CNTN4: variants seen among roughly 807,000 people sequenced by gnomAD.
CNTN4 encodes contactin-4.
CNTN4 carries 77 observed loss-of-function variants against 122.5 expected under a neutral mutation model. That is an observed-to-expected ratio of 0.63 (90% CI 0.52 to 0.76). The LOEUF is 0.76. Ranked by LOEUF, CNTN4 falls within the 30% of genes least tolerant of loss-of-function variation. The pLI is 0.00. For missense variants in CNTN4, 1,256 were observed against 1,259.1 expected (o/e 1.00, Z 0.04); for synonymous variants, 512 against 447.0 (o/e 1.15, Z -1.83).
At chr3:2,739,704 T>G (rs908482573) in intron 5 of CNTN4, among the ~76,000 whole-genome samples, 1 of 152,182 alleles carries the variant, frequency 6.6e-6, no homozygotes, top group Non-Finnish European at 1.5e-5. Context: ...ACATATTTAT[T>G]TAATACAAGT....
intron 2 of CNTN4, among the ~76,000 whole-genome samples, chr3:2,197,190 C>G (rs987562227): frequency 6.6e-6 from 1 of 152,144 alleles, no homozygotes; most frequent in Non-Finnish European, 1.5e-5. Flanking sequence ...CCCTAGTTCT[C>G]TCTTCTCCAT....
At chr3:2,564,442 G>A (rs541926804) in intron 3 of CNTN4, among the ~76,000 whole-genome samples, 1 of 152,218 alleles carries the variant, frequency 6.6e-6, no homozygotes, top group South Asian at 2.1e-4. Context: ...CCGAAAAATT[G>A]TTACAAGCCT....
chr3:3,033,535 T>G (rs754015116), intron 16 of CNTN4, among the ~76,000 whole-genome samples: 29 of 152,210 alleles, frequency 1.9e-4, no homozygotes, highest in Non-Finnish European at 3.8e-4. Flanking sequence ...CCCTGTGACA[T>G]GGCCTGATAG....
intron 4 of CNTN4, among the ~76,000 whole-genome samples, chr3:2,701,167 G>A (rs970707601): frequency 2.6e-5 from 4 of 152,244 alleles, no homozygotes; most frequent in African/African-American, 9.6e-5. Flanking sequence ...AGCATATATA[G>A]AAATTTTTCA....
intron 15 of CNTN4, among the ~76,000 whole-genome samples, chr3:3,029,635 G>T (rs1306715766): frequency 1.3e-5 from 2 of 152,204 alleles, no homozygotes; most frequent in Non-Finnish European, 2.9e-5. Flanking sequence ...TGAGGATATG[G>T]TCTTTCCGGA....
intron 3 of CNTN4, among the ~76,000 whole-genome samples, chr3:2,542,608 G>A (rs1432347798): frequency 6.6e-6 from 1 of 152,170 alleles, no homozygotes; most frequent in African/African-American, 2.4e-5. Context: ...GTTTATATCT[G>A]CAGGAGATTA....
At chr3:2,516,286 G>A (rs569293103) in intron 3 of CNTN4, among the ~76,000 whole-genome samples, 53 of 152,048 alleles carry the variant, frequency 3.5e-4, no homozygotes, top group African/African-American at 1.2e-3. Flanking sequence ...AGTAGAATCC[G>A]TAATGTGAAA....
rs1700005967 is a variant in CNTN4 at position 3,040,031 on chromosome 3, T to C, written c.2164-6T>C. 1.9e-6 allele frequency: 3 copies of C among 1,596,942 alleles called. No individual in the cohort carries two copies. Among genetic ancestry groups the C allele is most frequent in the Admixed American group, 3.3e-5 (2 of 59,988 alleles). ...ATTTCTGAAGACCACCTTCCTTCTTTCCCAGACGGTCCCTGAGGAATTACA... is the reference window on the plus strand; with the variant it reads ...ATTTCTGAAGACCACCTTCCTTCTTCCCCAGACGGTCCCTGAGGAATTACA... On this transcript the variant is annotated splice_polypyrimidine_tract_variant and splice_region_variant and intron_variant, in intron 19 of 24. Coordinates refer to ENST00000418658, the MANE Select transcript of CNTN4 (RefSeq NM_175607.3).
chr3:2,287,626 GAGAAGGAGAAGAAGAAGA>G (rs2041952864), intron 2 of CNTN4, among the ~76,000 whole-genome samples: 75 of 48,554 alleles, frequency 1.5e-3, no homozygotes, highest in South Asian at 6.4e-3. Flanking sequence ...GAAGGAGAAG[GAGAAGGAGAAGAAGAAGA>G]AGAAGAAGAA....
At chr3:2,945,711 C>CT (rs1375195321) in intron 13 of CNTN4, among the ~76,000 whole-genome samples, 1 of 152,168 alleles carries the variant, frequency 6.6e-6, no homozygotes, top group Non-Finnish European at 1.5e-5. Context: ...GTTCCTATGA[C>CT]TTTTTATGCA....
At chr3:2,621,255 C>G (rs187123058) in intron 4 of CNTN4, among the ~76,000 whole-genome samples, 1 of 152,308 alleles carries the variant, frequency 6.6e-6, no homozygotes, top group Non-Finnish European at 1.5e-5. Context: ...TCTGCCTCAA[C>G]ACATTCTGGA....
chr3:2,935,942 C>G (rs1292787055), intron 13 of CNTN4, among the ~76,000 whole-genome samples: 1 of 152,030 alleles, frequency 6.6e-6, no homozygotes, highest in African/African-American at 2.4e-5. Context: ...TATTTAGGTG[C>G]AAGGAGCAGC....
At chr3:3,051,418 G>T (rs1034290315) in intron 23 of CNTN4, among the ~76,000 whole-genome samples, 1 of 152,166 alleles carries the variant, frequency 6.6e-6, no homozygotes, top group Non-Finnish European at 1.5e-5. Flanking sequence ...TAAAAGTGCT[G>T]CTTTTTCCTG....
intron 4 of CNTN4, among the ~76,000 whole-genome samples, chr3:2,710,926 C>G (rs2087109938): frequency 6.6e-6 from 1 of 152,124 alleles, no homozygotes; most frequent in Non-Finnish European, 1.5e-5. Context: ...GTACTTGACC[C>G]CAAGCTTCAA....
intron 5 of CNTN4, among the ~76,000 whole-genome samples, chr3:2,739,843 A>C (rs1313063151): frequency 1.3e-5 from 2 of 152,222 alleles, no homozygotes; most frequent in Non-Finnish European, 2.9e-5. Flanking sequence ...GTGGGGAGCT[A>C]GAAGAAAATA....
At chr3:2,372,238 C>T (rs1263634928) in intron 3 of CNTN4, among the ~76,000 whole-genome samples, 1 of 152,034 alleles carries the variant, frequency 6.6e-6, no homozygotes, top group African/African-American at 2.4e-5. Context: ...GCTTCAGAGG[C>T]TTAAAACTTA....
At chr3:2,925,929 T>C in intron 13 of CNTN4, 150 bp downstream of exon 13, 2 of 697,902 alleles carry the variant, frequency 2.9e-6, no homozygotes, top group Non-Finnish European at 4.8e-6. Flanking sequence ...GGATGAGTGG[T>C]AAGTTATTGA....
intron 6 of CNTN4, among the ~76,000 whole-genome samples, chr3:2,815,266 G>T (rs531759003): frequency 6.6e-6 from 1 of 152,276 alleles, no homozygotes; most frequent in African/African-American, 2.4e-5. Context: ...AAGAGCTTTT[G>T]CATGGCAAAA....
intron 13 of CNTN4, among the ~76,000 whole-genome samples, chr3:2,976,897 C>G (rs532407451): frequency 6.7e-6 from 1 of 149,966 alleles, no homozygotes; most frequent in East Asian, 2.0e-4. Flanking sequence ...AGAGAAAAGT[C>G]TTGGTGTTAT....
Sources: gnomAD v4.1 joint callset for allele counts (sites outside exome capture counted in the v4.1 genomes callset) on GRCh38, gnomAD v4.1.1 for gene constraint, MANE v1.5 for transcripts, NCBI Gene and HGNC (gene_info 2026-07-23, HGNC 2026-07-21) for gene names.